Variants in PLA2G4A observed in about 807,000 individuals in gnomAD.
PLA2G4A encodes the protein cytosolic phospholipase A2.
PLA2G4A carries 40 observed loss-of-function variants against 81.9 expected under a neutral mutation model. The ratio of observed to expected loss-of-function variants is 0.49; its 90% CI spans 0.38 to 0.64. The LOEUF is 0.64. PLA2G4A is among the 30% of genes least tolerant of loss of function. The pLI is 0.00. For missense variants in PLA2G4A, 715 were observed against 905.1 expected (o/e 0.79, Z 2.69); for synonymous variants, 302 against 296.9 (o/e 1.02, Z -0.18).
In PLA2G4A at chr1:186,864,485, T is replaced by C. The variant is rs566799114; in HGVS notation, c.34-5950T>C. Among the ~76,000 whole-genome samples, 12 of 152,286 alleles carry C rather than the reference T, an allele frequency of 7.9e-5. 1 individual carries two copies. Among genetic ancestry groups the C allele is most frequent in the Admixed American group, 7.2e-4 (11 of 15,296 alleles). ...TTTGTCATTTTTGTGGTTTTTTTAATGGCAATTCTAGTTGGGATGAGGTAA... is the reference window on the plus strand; with the variant it reads ...TTTGTCATTTTTGTGGTTTTTTTAACGGCAATTCTAGTTGGGATGAGGTAA... On this transcript the variant is annotated intron_variant, in intron 2 of 17. Transcript: ENST00000367466.
At chr1:186,869,261 T>C (rs1653152023) in intron 2 of PLA2G4A, among the ~76,000 whole-genome samples, 1 of 152,176 alleles carries the variant, frequency 6.6e-6, no homozygotes, top group African/African-American at 2.4e-5. Flanking sequence ...ATTCTTATGA[T>C]TGATCATTTA....
chr1:186,904,700 T>C (rs1654672597), intron 5 of PLA2G4A, among the ~76,000 whole-genome samples: 2 of 152,192 alleles, frequency 1.3e-5, no homozygotes, highest in African/African-American at 4.8e-5. Context: ...AAGAGTCTTG[T>C]CACTCCATCC....
At chr1:186,934,955 C>T (rs1251319233) in intron 8 of PLA2G4A, among the ~76,000 whole-genome samples, 1 of 151,800 alleles carries the variant, frequency 6.6e-6, no homozygotes, top group African/African-American at 2.4e-5. Context: ...TAGGTAATTC[C>T]ACCAACTTCT....
chr1:186,853,245 G>C (rs1035168628), intron 1 of PLA2G4A, among the ~76,000 whole-genome samples: 1 of 151,362 alleles, frequency 6.6e-6, no homozygotes, highest in African/African-American at 2.4e-5. Context: ...GAGCGTATTA[G>C]AAGATCCCAT....
intron 5 of PLA2G4A, among the ~76,000 whole-genome samples, chr1:186,898,690 A>T (rs1250682388): frequency 6.6e-6 from 1 of 152,204 alleles, no homozygotes; most frequent in Non-Finnish European, 1.5e-5. Context: ...TGAAAGATTT[A>T]TACAGTGAAC....
At chr1:186,963,470 T>G (rs1657028094) in intron 14 of PLA2G4A, among the ~76,000 whole-genome samples, 1 of 152,240 alleles carries the variant, frequency 6.6e-6, no homozygotes, top group South Asian at 2.1e-4. Flanking sequence ...ATTTCTCGTC[T>G]CTCTCCTTAT....
At chr1:186,925,281 A>G (rs184812675) in intron 7 of PLA2G4A, among the ~76,000 whole-genome samples, 16 of 152,242 alleles carry the variant, frequency 1.1e-4, no homozygotes, top group African/African-American at 3.9e-4. Context: ...TATAGAGAGG[A>G]CTTACATATG....
chr1:186,901,144 C>T (rs749738917), intron 5 of PLA2G4A, among the ~76,000 whole-genome samples: 13 of 152,162 alleles, frequency 8.5e-5, no homozygotes, highest in East Asian at 1.9e-4. Context: ...AACAAGAGAA[C>T]GATGTAATTT....
intron 7 of PLA2G4A, among the ~76,000 whole-genome samples, chr1:186,928,470 C>T (rs542908781): frequency 6.6e-6 from 1 of 152,270 alleles, no homozygotes; most frequent in South Asian, 2.1e-4. Flanking sequence ...AGGGAATTCT[C>T]CAGCAGACTT....
At chr1:186,968,483 T>TA (rs1417339394) in intron 15 of PLA2G4A, among the ~76,000 whole-genome samples, 2 of 150,644 alleles carry the variant, frequency 1.3e-5, no homozygotes, top group Non-Finnish European at 3.0e-5. Context: ...TCTTTCTACT[T>TA]ACAACTGTAT....
intron 3 of PLA2G4A, among the ~76,000 whole-genome samples, chr1:186,889,811 C>G (rs1215174836): frequency 2.0e-5 from 3 of 152,046 alleles, no homozygotes; most frequent in Non-Finnish European, 4.4e-5. Context: ...CTCCCTCACT[C>G]TTGCACTCAC....
intron 15 of PLA2G4A, among the ~76,000 whole-genome samples, chr1:186,974,961 T>C (rs764568380): frequency 2.4e-4 from 37 of 152,320 alleles, no homozygotes; most frequent in Non-Finnish European, 5.0e-4. Context: ...CATCTAAAAA[T>C]AGCCTCACTG....
intron 14 of PLA2G4A, among the ~76,000 whole-genome samples, 159 bp downstream of exon 14, chr1:186,956,503 T>TG (rs544982615): frequency 5.1e-4 from 77 of 152,208 alleles, no homozygotes; most frequent in Admixed American, 2.7e-3. Flanking sequence ...AGGGTTTTTT[T>TG]TTTGTTGTTG....
intron 1 of PLA2G4A, among the ~76,000 whole-genome samples, chr1:186,830,969 TCTTTC>T (rs1651550814): frequency 9.5e-6 from 1 of 104,940 alleles, no homozygotes; most frequent in South Asian, 3.0e-4. Flanking sequence ...TTTCTTTCTT[TCTTTC>T]TTTCTTTCTT....
At chr1:186,870,796 CT>C in intron 3 of PLA2G4A, 1 of 1,176,176 alleles carries the variant, frequency 8.5e-7, no homozygotes, top group Non-Finnish European at 1.2e-6. Flanking sequence ...ATGGTTCAGC[CT>C]TTAATTACTT....
intron 15 of PLA2G4A, among the ~76,000 whole-genome samples, chr1:186,967,125 A>C (rs1295674977): frequency 6.6e-6 from 1 of 152,192 alleles, no homozygotes; most frequent in African/African-American, 2.4e-5. Context: ...CTCTGACAGC[A>C]TATCTGTTTT....
chr1:186,851,915 A>C (rs1489830221), intron 1 of PLA2G4A, among the ~76,000 whole-genome samples: 2 of 152,020 alleles, frequency 1.3e-5, no homozygotes, highest in Admixed American at 1.3e-4. Flanking sequence ...GGAGAAACTC[A>C]TATCGATATT....
chr1:186,895,599 G>A (rs781110775), intron 5 of PLA2G4A, among the ~76,000 whole-genome samples: 19 of 152,342 alleles, frequency 1.2e-4, no homozygotes, highest in Middle Eastern at 3.4e-3. Flanking sequence ...GTTGAAATGA[G>A]AAGTGGAAGT....
intron 1 of PLA2G4A, among the ~76,000 whole-genome samples, chr1:186,847,646 C>A (rs1652228295): frequency 6.6e-6 from 1 of 151,800 alleles, no homozygotes; most frequent in South Asian, 2.1e-4. Context: ...TAAAACTTAC[C>A]CACTTCACAG....
Sources: allele counts gnomAD v4.1 joint callset (sites outside exome capture counted in the v4.1 genomes callset), GRCh38; gene constraint gnomAD v4.1.1; transcripts MANE v1.5; gene names NCBI Gene and HGNC (gene_info 2026-07-23, HGNC 2026-07-21).